PTGFRN: variants seen among roughly 807,000 people sequenced by gnomAD.
The protein encoded by PTGFRN is prostaglandin F2 receptor inhibitor, also known as prostaglandin F2 receptor negative regulator.
PTGFRN carries 35 observed loss-of-function variants against 83.2 expected under a neutral mutation model. That is an observed-to-expected ratio of 0.42 (90% CI 0.32 to 0.56). The LOEUF is 0.56. Among genes scored for constraint, PTGFRN ranks in the 20% least tolerant of loss-of-function variants. PTGFRN has a pLI of 0.11. For missense variants in PTGFRN, 1,051 were observed against 1,179.5 expected (o/e 0.89, Z 1.60); for synonymous variants, 519 against 498.6 (o/e 1.04, Z -0.55).
intron 1 of PTGFRN, among the ~76,000 whole-genome samples, chr1:116,933,424 A>T (rs1219906889): frequency 2.0e-5 from 3 of 152,086 alleles, no homozygotes; most frequent in Admixed American, 2.0e-4. Flanking sequence ...TCTGCTATTG[A>T]TGTCATATGT....
chr1:116,969,322 T>C (rs1047824349), intron 6 of PTGFRN, among the ~76,000 whole-genome samples: 47 of 152,338 alleles, frequency 3.1e-4, no homozygotes, highest in African/African-American at 1.0e-3. Context: ...TGCATGGAGA[T>C]AGCCAGTTGT....
chr1:116,944,761 GCGCTGCACCGCCGCCTCCGCCTCGC>G lies in PTGFRN; in HGVS notation c.510_534del (p.Ala171ArgfsTer21). 6.5e-7 allele frequency: 1 copy of G among 1,550,356 alleles called. No homozygotes were observed. The highest frequency in any genetic ancestry group is 8.7e-7 in the Non-Finnish European group (1 of 1,152,406). ...TGCGGGAGGGGGAGCCCTTCGAGCT[GCGCTGCACCGCCGCCTCCGCCTCGC>G]CGCTGCACACGCACCTGGCGCTGCT... On this transcript the variant is annotated frameshift_variant, in exon 3 of 9. Coordinates refer to ENST00000393203, the MANE Select transcript of PTGFRN (RefSeq NM_020440.4). LOFTEE classifies it high-confidence loss of function.
rs1649461648 is a variant in PTGFRN, at chr1:116,918,517, A to T, written c.49+8265A>T. On this transcript the variant is annotated intron_variant, in intron 1 of 8. Transcript: ENST00000393203. The surrounding 1 kb of genome is among the most constrained non-coding windows in gnomAD (Gnocchi z 4.1). ...TGTGAATCAAAGTTTGTATTTGAACAAGATCCGCAGGGGATTCAAATGCAT... is the reference window on the plus strand; with the variant it reads ...TGTGAATCAAAGTTTGTATTTGAACTAGATCCGCAGGGGATTCAAATGCAT... Among the ~76,000 whole-genome samples, 1 of 152,234 alleles carries T rather than the reference A, an allele frequency of 6.6e-6. No individual in the cohort carries two copies. The highest frequency in any genetic ancestry group is 2.1e-4 in the South Asian group (1 of 4,834).
rs138612504 is a variant in PTGFRN at position 116,923,170 on chromosome 1, A to C, written c.49+12918A>C. 1.4e-3 allele frequency among the ~76,000 whole-genome samples: 217 copies of C among 152,312 alleles called. 1 individual carries two copies. The highest frequency in any genetic ancestry group is 2.2e-3 in the Admixed American group (34 of 15,304). The stretch of plus-strand genomic sequence containing the variant: ...GATCATGTCTGTTTTTGCTTACCCC[A>C]GCATGTAGGAACTTGAATCTTTGAA... On this transcript the variant is annotated intron_variant, in intron 1 of 8. Coordinates refer to ENST00000393203, the MANE Select transcript of PTGFRN (RefSeq NM_020440.4). This position sits in a 1 kb window ranked among gnomAD's most constrained non-coding sequence, Gnocchi z 4.0.
At chr1:116,946,193 A>G (rs1650197525) in intron 3 of PTGFRN, among the ~76,000 whole-genome samples, 1 of 152,238 alleles carries the variant, frequency 6.6e-6, no homozygotes, top group Non-Finnish European at 1.5e-5. Context: ...GAAGGAAAGC[A>G]GGAAACAACA....
At chr1:116,910,329 C>A in intron 1 of PTGFRN, 77 bp downstream of exon 1, 1 of 1,211,918 alleles carries the variant, frequency 8.3e-7, no homozygotes, top group African/African-American at 1.6e-5. Context: ...GCGGCTGCAG[C>A]GCGCGGCCTG....
chr1:116,933,462 A>C (rs938135996), intron 1 of PTGFRN, among the ~76,000 whole-genome samples: 1 of 152,192 alleles, frequency 6.6e-6, no homozygotes, highest in African/African-American at 2.4e-5. Flanking sequence ...TTTGAATTCC[A>C]GAAGACATTA....
chr1:116,925,600 GA>G (rs1649638606), intron 1 of PTGFRN, among the ~76,000 whole-genome samples: 1 of 152,146 alleles, frequency 6.6e-6, no homozygotes, highest in Non-Finnish European at 1.5e-5. Flanking sequence ...TCACCTGAAG[GA>G]GCTTAAGTCT....
intron 1 of PTGFRN, among the ~76,000 whole-genome samples, chr1:116,910,888 C>T (rs1056126433): frequency 2.0e-5 from 3 of 152,146 alleles, no homozygotes; most frequent in African/African-American, 7.2e-5. Flanking sequence ...TGCCTAGCTG[C>T]GTATTTATAC....
At chr1:116,927,874 T>G (rs1649693762) in intron 1 of PTGFRN, among the ~76,000 whole-genome samples, 1 of 152,198 alleles carries the variant, frequency 6.6e-6, no homozygotes, top group Non-Finnish European at 1.5e-5. Flanking sequence ...GCATTGACTT[T>G]GAAGAGCCTG....
intron 1 of PTGFRN, among the ~76,000 whole-genome samples, chr1:116,938,157 G>C (rs1265313388): frequency 6.6e-6 from 1 of 152,162 alleles, no homozygotes; most frequent in Non-Finnish European, 1.5e-5. Context: ...GCTGGGTAGT[G>C]ATATATTATT....
chr1:116,934,226 GC>G (rs1451987539), intron 1 of PTGFRN, among the ~76,000 whole-genome samples: 2 of 151,996 alleles, frequency 1.3e-5, no homozygotes, highest in African/African-American at 4.8e-5. Context: ...GCTCACTGCA[GC>G]CTCCATCTCC....
Position 116,984,793 on chromosome 1 carries a change from G to A in PTGFRN, c.2281G>A (p.Asp761Asn), listed in dbSNP as rs961307510. The change falls in exon 8 of 9, where the codon GAC becomes AAC. Residue 761 changes from aspartate (D) to asparagine (N), a missense_variant. Coordinates refer to ENST00000393203, the MANE Select transcript of PTGFRN (RefSeq NM_020440.4). ...GGGCATCGTGACCACCTCCCGGAGG[G>A]ACTGGAAGAGCGACCTCAGCCTGGA... ...RKGIVTTSRRDWKSDLSLERV... is the reference protein window; with the variant it reads ...RKGIVTTSRRNWKSDLSLERV... 1.9e-6 allele frequency: 3 copies of A among 1,614,008 alleles called. No individual in the cohort carries two copies. The African/African-American group carries it at 4.0e-5, about 22-fold the overall frequency.
chr1:116,934,154 GT>G (rs1263632416), intron 1 of PTGFRN, among the ~76,000 whole-genome samples: 2 of 150,456 alleles, frequency 1.3e-5, no homozygotes, highest in Admixed American at 6.7e-5. Context: ...TGATTGTTTT[GT>G]TTTTTTTTGA....
chr1:116,930,503 T>C (rs182960372), intron 1 of PTGFRN, among the ~76,000 whole-genome samples: 1 of 152,344 alleles, frequency 6.6e-6, no homozygotes, highest in East Asian at 1.9e-4. Flanking sequence ...AAATATCTTC[T>C]AGGGGTTTCC....
chr1:116,925,628 TTGTC>T (rs1336271995), intron 1 of PTGFRN, among the ~76,000 whole-genome samples: 3 of 152,100 alleles, frequency 2.0e-5, no homozygotes, highest in Non-Finnish European at 2.9e-5. Flanking sequence ...ATAGATGAAT[TTGTC>T]TGTTTTTTCC....
At chr1:116,922,144 A>T (rs1649551560) in intron 1 of PTGFRN, among the ~76,000 whole-genome samples, 1 of 152,132 alleles carries the variant, frequency 6.6e-6, no homozygotes, top group Admixed American at 6.5e-5. Context: ...AGCAGCTAAG[A>T]GCCGGCATGT....
intron 7 of PTGFRN, among the ~76,000 whole-genome samples, chr1:116,978,911 T>G (rs985427720): frequency 1.3e-5 from 2 of 152,044 alleles, no homozygotes; most frequent in Admixed American, 6.6e-5. Flanking sequence ...GGTATTCAAT[T>G]AGGAAAAGAG....
At chr1:116,971,469 G>A (rs1164802266) in intron 6 of PTGFRN, among the ~76,000 whole-genome samples, 1 of 152,126 alleles carries the variant, frequency 6.6e-6, no homozygotes, top group African/African-American at 2.4e-5. Flanking sequence ...TAGTGACTCC[G>A]GTTGTTCATT....
Sources: allele counts gnomAD v4.1 joint callset (sites outside exome capture counted in the v4.1 genomes callset), GRCh38; gene constraint gnomAD v4.1.1; non-coding constraint Gnocchi (gnomAD v3.1); transcripts MANE v1.5; gene names NCBI Gene and HGNC (gene_info 2026-07-23, HGNC 2026-07-21).